TBC1D17: variants seen among roughly 807,000 people sequenced by gnomAD.
The protein encoded by TBC1D17 is TBC1 domain family, member 17.
Under a neutral mutation model 78.8 loss-of-function variants are expected in TBC1D17, and 69 were observed. That is an observed-to-expected ratio of 0.88 (90% CI 0.72 to 1.07). The LOEUF (loss-of-function observed/expected upper bound fraction) is 1.07. Ranked by LOEUF, TBC1D17 falls within the 50% of genes least tolerant of loss-of-function variation. The pLI is 0.00. For missense variants in TBC1D17, 957 were observed against 861.0 expected (o/e 1.11, Z -1.39); for synonymous variants, 456 against 358.3 (o/e 1.27, Z -3.08).
At chr19:49,881,855 C>A (rs2075016852) in intron 5 of TBC1D17, among the ~76,000 whole-genome samples, 186 bp from the exon 6 acceptor site, 1 of 152,148 alleles carries the variant, frequency 6.6e-6, no homozygotes, top group African/African-American at 2.4e-5. Context: ...CATTGGCCAG[C>A]CCCGAGTCAT....
intron 5 of TBC1D17, 56 bp from the exon 6 acceptor site, chr19:49,881,985 C>T (rs2075018265): frequency 6.8e-7 from 1 of 1,469,350 alleles, no homozygotes; most frequent in Non-Finnish European, 9.5e-7. Flanking sequence ...CACAGACAGC[C>T]TGGGACACTG....
Position 49,883,734 on chromosome 19 carries a change from G to A in TBC1D17, c.1115G>A (p.Arg372His), listed in dbSNP as rs147045240. The change falls in exon 10 of 17, where the codon CGC becomes CAC. Residue 372 changes from arginine (R) to histidine (H), a missense_variant. Coordinates refer to ENST00000221543, the MANE Select transcript of TBC1D17 (RefSeq NM_024682.3). ...ERRNSLLHGY[R>H]SLIERDVSRT... ...AGAAACTCACTTCTGCATGGATACC[G>A]CAGCCTCATCGGTCAGTGTCAGGGG... is the stretch of plus-strand genomic sequence containing the variant. The A allele has an allele frequency of 9.9e-5, 159 of 1,613,726 alleles. No individual in the cohort carries two copies. The Middle Eastern group carries it at 4.0e-3, about 41-fold the overall frequency.
chr19:49,878,887 T>G, intron 3 of TBC1D17: 1 of 333,454 alleles, frequency 3.0e-6, no homozygotes, highest in Non-Finnish European at 5.6e-6. Context: ...GAAATGGCAT[T>G]TCCTCTGGTG....
At chr19:49,883,849 A>G in intron 10 of TBC1D17, 104 bp downstream of exon 10, 1 of 984,240 alleles carries the variant, frequency 1.0e-6, no homozygotes, top group Non-Finnish European at 1.6e-6. Flanking sequence ...CTGCCTCCCC[A>G]AGACCAGTGA....
rs35413614 is a variant in TBC1D17, at chr19:49,879,849, CTT to C, written c.196-412_196-411del. Among the ~76,000 whole-genome samples the C allele has an allele frequency of 2.7e-3, 328 of 119,452 alleles. 1 individual carries two copies. Among genetic ancestry groups the C allele is most frequent in the Non-Finnish European group, 2.8e-3 (157 of 56,968 alleles). 78.4% of individuals were successfully genotyped at this position (119,452 alleles called of 152,430 possible). A position where few individuals can be genotyped will look rare whatever the true frequency, so the allele number is the denominator to read the frequency against. ...GAGCAAGTGCTGTACTTTCTTTTTT[CTT>C]TTTTTTTTTTTTTTTTTAATGAGAC... On this transcript the variant is annotated intron_variant, in intron 3 of 16. Transcript: ENST00000221543.
rs1232652921 is a variant in TBC1D17, at chr19:49,887,576, G to C, written c.1542+3G>C. The C allele has an allele frequency of 1.9e-6, 3 of 1,614,012 alleles. No individual in the cohort carries two copies. Among genetic ancestry groups the C allele is most frequent in the Non-Finnish European group, 2.5e-6 (3 of 1,179,972 alleles). On this transcript the variant is annotated splice_donor_region_variant and intron_variant, in intron 14 of 16. Coordinates refer to ENST00000221543, the MANE Select transcript of TBC1D17 (RefSeq NM_024682.3). Reference sequence around the variant, plus strand: ...CGGATGTCCTTCGGCTGTGGGAGGTGGGCCAGCCAGTTTGGGCGAGAGGCC... The same window carrying C: ...CGGATGTCCTTCGGCTGTGGGAGGTCGGCCAGCCAGTTTGGGCGAGAGGCC...
In TBC1D17 at chr19:49,885,974, CAAAAAA is replaced by C. The variant is rs972298479; in HGVS notation, c.1444+1235_1444+1240del. ...TGGGCAACAGAGTGAGACCTTGCCT[CAAAAAA>C]AAAAAAAAAAAAAAAAAAGGTCGGG... On this transcript the variant is annotated intron_variant, in intron 13 of 16. Transcript: ENST00000221543. Among the ~76,000 whole-genome samples the C allele has an allele frequency of 9.2e-4, 40 of 43,552 alleles. 1 individual carries two copies. The highest frequency in any genetic ancestry group is 3.2e-3 in the African/African-American group (35 of 10,820). The allele number at this position is 43,552 out of a possible 152,430, so 28.6% of individuals were successfully genotyped here.
In TBC1D17 at chr19:49,878,562, TCTC is replaced by T. The variant is rs1164215773; in HGVS notation, c.187_189del (p.Ser63del). On this transcript the variant is annotated inframe_deletion, in exon 3 of 17. Transcript: ENST00000221543. Reference sequence around the variant, plus strand: ...GCTGGAGATTCCACCCAAATCCTCTTCTCCAAGAAGGTAGGCTCCACCCGCTTT... The same window carrying T: ...GCTGGAGATTCCACCCAAATCCTCTTCAAGAAGGTAGGCTCCACCCGCTTT... 4 of 1,613,930 alleles carry T rather than the reference TCTC, an allele frequency of 2.5e-6. No individual in the cohort carries two copies. Among genetic ancestry groups the T allele is most frequent in the Admixed American group, 1.7e-5 (1 of 59,992 alleles).
At position 49,884,600 on chromosome 19, in the gene TBC1D17, G is replaced by A. The variant is rs766335319; in HGVS notation, c.1344+41G>A. ...GGGGTGGGACACAGGCCTATCGAGC[G>A]ATCAGGTGTCCTGGTACCTCACGGG... On this transcript the variant is annotated intron_variant, in intron 12 of 16. Coordinates refer to ENST00000221543, the MANE Select transcript of TBC1D17 (RefSeq NM_024682.3). 6.9e-5 allele frequency: 111 copies of A among 1,613,320 alleles called. 1 individual carries two copies. The highest frequency in any genetic ancestry group is 8.5e-5 in the Non-Finnish European group (100 of 1,179,374).
rs145889009 is a variant in TBC1D17, at chr19:49,883,007, A to G, written c.962A>G (p.Lys321Arg). Residue 321 changes from lysine to arginine, a missense_variant, in exon 9 of 17, where the codon AAG becomes AGG. Lys to Arg is a conservative substitution (Grantham distance 26, BLOSUM62 2). Transcript: ENST00000221543. Reference sequence around the variant, plus strand: ...CCCAGCCTGCGGCGCGAGGCCTGGAAGTTCCTCCTAGGGTACCTCAGCTGG... The same window carrying G: ...CCCAGCCTGCGGCGCGAGGCCTGGAGGTTCCTCCTAGGGTACCTCAGCTGG... ...LSPSLRREAWKFLLGYLSWEG... is the reference protein window; with the variant it reads ...LSPSLRREAWRFLLGYLSWEG... 1 of 1,611,134 alleles carries G rather than the reference A, an allele frequency of 6.2e-7. No homozygotes were observed. The highest frequency in any genetic ancestry group is 8.5e-7 in the Non-Finnish European group (1 of 1,178,948).
intron 5 of TBC1D17, 31 bp downstream of exon 5, chr19:49,881,506 C>G (rs2075012974): frequency 1.3e-6 from 2 of 1,593,382 alleles, no homozygotes; most frequent in South Asian, 1.1e-5. Context: ...GGGCCTTAAA[C>G]CGGGCCCAGT....
chr19:49,885,057 T>A, intron 13 of TBC1D17: 1 of 396,340 alleles, frequency 2.5e-6, no homozygotes, highest in Admixed American at 4.0e-5. Flanking sequence ...TTCCTGCCAC[T>A]TCTTATCCCC....
intron 10 of TBC1D17, among the ~76,000 whole-genome samples, chr19:49,883,949 C>T (rs2075037429): frequency 6.6e-6 from 1 of 152,148 alleles, no homozygotes; most frequent in African/African-American, 2.4e-5. Context: ...AAGGGGAGCC[C>T]AGCTCCCTTC....
chr19:49,888,075 C>T (rs2075077016), intron 15 of TBC1D17, 156 bp from the exon 16 acceptor site: 2 of 1,254,802 alleles, frequency 1.6e-6, no homozygotes, highest in Non-Finnish European at 2.2e-6. Context: ...AGAATGCTCC[C>T]GGAGGCCTGA....
At chr19:49,887,376 A>T (rs2075067094) in intron 13 of TBC1D17, 100 bp from the exon 14 acceptor site, 2 of 1,253,888 alleles carry the variant, frequency 1.6e-6, no homozygotes, top group East Asian at 2.5e-5. Flanking sequence ...GGCATAAGTC[A>T]CTTGCCTAGA....
chr19:49,880,382 G>A lies in TBC1D17; in HGVS notation c.299G>A (p.Cys100Tyr), dbSNP rs201573080. 10 of 1,613,804 alleles carry A rather than the reference G, an allele frequency of 6.2e-6. No individual in the cohort carries two copies. The East Asian group carries it at 1.3e-4, about 22-fold the overall frequency. The change falls in exon 4 of 17, where the codon TGC becomes TAC. Residue 100 changes from cysteine to tyrosine, a missense_variant. Cys to Tyr is a radical substitution (Grantham distance 194). Coordinates refer to ENST00000221543, the MANE Select transcript of TBC1D17 (RefSeq NM_024682.3). ...ATCAGCACTGTGCGGCCACAGCTCT[G>A]CCACTCAGAGCCCACGAGAGGTAGG... Reference protein sequence around the residue: ...AVISTVRPQLCHSEPTRGAEP... With the variant: ...AVISTVRPQLYHSEPTRGAEP...
rs1301828260 is a variant in TBC1D17, at chr19:49,882,132, G to C, written c.619G>C (p.Asp207His). Residue 207 changes from aspartate (D) to histidine (H), a missense_variant, in exon 6 of 17, where the codon GAC (aspartate) becomes CAC (histidine). By Grantham distance (81) the Asp-to-His change is moderately conservative. Transcript: ENST00000221543. ...CCACCACCTGCAGCTCTTTGACCAG[G>C]ACAGCTCCAATGTGGTGTCAGTGAG... ...SFHHLQLFDQDSSNVVSRFLQ... is the reference protein window; with the variant it reads ...SFHHLQLFDQHSSNVVSRFLQ... 6.2e-7 allele frequency: 1 copy of C among 1,613,962 alleles called. No homozygotes were observed. Among genetic ancestry groups the C allele is most frequent in the East Asian group, 2.2e-5 (1 of 44,896 alleles).
chr19:49,887,791 A>C lies in TBC1D17; in HGVS notation c.1616A>C (p.Asp539Ala), dbSNP rs538794819. ...TGCGCCATCCTGGACATGGAGAGGG[A>C]CACCCTCATGCTGTCCGGCTTCGGC... Reference protein sequence around the residue: ...VACAILDMERDTLMLSGFGSN... With the variant: ...VACAILDMERATLMLSGFGSN... The change falls in exon 15 of 17, where the codon GAC (aspartate) becomes GCC (alanine). Residue 539 changes from aspartate to alanine, a missense_variant. Physicochemically the swap from Asp to Ala is moderately radical, Grantham distance 126. Coordinates refer to ENST00000221543, the MANE Select transcript of TBC1D17 (RefSeq NM_024682.3). 1 of 1,612,638 alleles carries C rather than the reference A, an allele frequency of 6.2e-7. No individual in the cohort carries two copies. Among genetic ancestry groups the C allele is most frequent in the South Asian group, 1.1e-5 (1 of 90,784 alleles).
intron 15 of TBC1D17, 62 bp from the exon 16 acceptor site, chr19:49,888,169 A>G: frequency 6.5e-7 from 1 of 1,549,880 alleles, no homozygotes; most frequent in Non-Finnish European, 8.7e-7. Flanking sequence ...CGAAGCACAG[A>G]GTGGGCGCTC....
Sources: gnomAD v4.1 joint callset for allele counts (sites outside exome capture counted in the v4.1 genomes callset) on GRCh38, gnomAD v4.1.1 for gene constraint, MANE v1.5 for transcripts, NCBI Gene and HGNC (gene_info 2026-07-23, HGNC 2026-07-21) for gene names.